Variants in ABLIM1 observed in about 807,000 individuals in gnomAD.
ABLIM1 encodes actin binding LIM protein 1.
Under a neutral mutation model 107.0 loss-of-function variants are expected in ABLIM1, and 40 were observed. The observed-to-expected ratio is 0.37, with a 90% CI of 0.29 to 0.49. ABLIM1 has a LOEUF of 0.49. Ranked by LOEUF, ABLIM1 falls within the 20% of genes least tolerant of loss-of-function variation. The probability of loss-of-function intolerance (pLI) is 0.97; values close to 1 mark genes in which losing one functional copy is unlikely to be tolerated. For missense variants in ABLIM1, 857 were observed against 1,008.5 expected (o/e 0.85, Z 2.04); for synonymous variants, 357 against 357.3 (o/e 1.00, Z 0.01).
the ABLIM1 span, among the ~76,000 whole-genome samples, chr10:114,786,728 C>T: frequency 6.6e-6 from 1 of 152,328 alleles, no homozygotes; most frequent in African/African-American, 2.4e-5. Flanking sequence ...AGCTCCTAAC[C>T]GCGAGTGATC....
At chr10:114,653,560 A>G (rs1194583088) in intron 1 of ABLIM1, among the ~76,000 whole-genome samples, 4 of 152,114 alleles carry the variant, frequency 2.6e-5, no homozygotes, top group Non-Finnish European at 5.9e-5. Flanking sequence ...AAAACCAAAC[A>G]AAAAAAGACA....
intron 1 of ABLIM1, among the ~76,000 whole-genome samples, chr10:114,724,293 T>C (rs1229617957): frequency 6.6e-6 from 1 of 152,138 alleles, no homozygotes; most frequent in Admixed American, 6.5e-5. Context: ...AGTTTCTCCA[T>C]CTGTGAAATG....
intron 12 of ABLIM1, among the ~76,000 whole-genome samples, chr10:114,465,193 C>G (rs562811517): frequency 4.6e-5 from 7 of 152,242 alleles, no homozygotes; most frequent in Admixed American, 3.3e-4. Context: ...GACTGAAAAT[C>G]TTAGGGTTGG....
intron 1 of ABLIM1, among the ~76,000 whole-genome samples, chr10:114,639,837 T>G (rs998476335): frequency 6.6e-6 from 1 of 152,244 alleles, no homozygotes; most frequent in Non-Finnish European, 1.5e-5. Flanking sequence ...TTGCTATTCC[T>G]GCTGCCCGTG....
the ABLIM1 span, among the ~76,000 whole-genome samples, chr10:114,777,664 T>G: frequency 6.6e-6 from 1 of 152,220 alleles, no homozygotes; most frequent in African/African-American, 2.4e-5. Context: ...AGCATCAGCA[T>G]ATGCTCCTGT....
chr10:114,564,440 T>TA (rs1491525146), intron 4 of ABLIM1, among the ~76,000 whole-genome samples: 9 of 75,630 alleles, frequency 1.2e-4, no homozygotes, highest in African/African-American at 8.7e-4. Flanking sequence ...AATGTTTGTA[T>TA]TTTTTTTTTT....
At chr10:114,784,482 T>C in the ABLIM1 span, among the ~76,000 whole-genome samples, 12 of 151,534 alleles carry the variant, frequency 7.9e-5, no homozygotes, top group East Asian at 1.6e-3. Flanking sequence ...CTGGTCAACA[T>C]GGTGAAATCC....
chr10:114,728,233 C>T (rs547120397), intron 1 of ABLIM1, among the ~76,000 whole-genome samples: 1 of 152,214 alleles, frequency 6.6e-6, no homozygotes, highest in South Asian at 2.1e-4. Flanking sequence ...CAAGTGTTGA[C>T]AAATTTGTGG....
chr10:114,687,901 T>A (rs2080980010), upstream of ABLIM1, among the ~76,000 whole-genome samples: 1 of 152,188 alleles, frequency 6.6e-6, no homozygotes, highest in Non-Finnish European at 1.5e-5. Context: ...AAAAAAGTAA[T>A]GATTTGGCAT....
At chr10:114,495,926 C>T (rs1255641083) in intron 6 of ABLIM1, among the ~76,000 whole-genome samples, 2 of 152,148 alleles carry the variant, frequency 1.3e-5, no homozygotes, top group Non-Finnish European at 2.9e-5. Flanking sequence ...CAGTATGTCA[C>T]TGCTGTAACT....
At chr10:114,787,595 C>T in the ABLIM1 span, among the ~76,000 whole-genome samples, 17,566 of 141,066 alleles carry the variant, frequency 0.12, 1,256 homozygotes, top group East Asian at 0.38. Context: ...GTCAGCCCCC[C>T]GCCCGGCCAG....
intron 6 of ABLIM1, among the ~76,000 whole-genome samples, chr10:114,531,446 T>C (rs2065441117): frequency 6.6e-6 from 1 of 152,232 alleles, no homozygotes; most frequent in African/African-American, 2.4e-5. Context: ...TCAAGACCTA[T>C]CCCAGCTTCA....
Position 114,582,229 on chromosome 10 carries a change from G to T in ABLIM1, c.380-6630C>A, listed in dbSNP as rs115146687. ...ATTTCTACACACCAAGAAAGTTCAAGCTGAGAGCCAAGTCAAGAATTCAAT... is the reference window on the plus strand; with the variant it reads ...ATTTCTACACACCAAGAAAGTTCAATCTGAGAGCCAAGTCAAGAATTCAAT... On this transcript the variant is annotated intron_variant, in intron 2 of 22. Coordinates refer to ENST00000533213, the MANE Select transcript of ABLIM1 (RefSeq NM_002313.7). Among the ~76,000 whole-genome samples the T allele has an allele frequency of 2.0e-3, 311 of 152,060 alleles. 2 individuals are homozygous for T. The highest frequency in any genetic ancestry group is 7.2e-3 in the African/African-American group (300 of 41,484).
chr10:114,486,453 C>G (rs945128002), intron 8 of ABLIM1, among the ~76,000 whole-genome samples: 1 of 152,134 alleles, frequency 6.6e-6, no homozygotes, highest in African/African-American at 2.4e-5. Flanking sequence ...TACATTCTTA[C>G]GATAAAAGTC....
chr10:114,514,486 C>T (rs143668642), intron 6 of ABLIM1, among the ~76,000 whole-genome samples: 293 of 152,118 alleles, frequency 1.9e-3, no homozygotes, highest in African/African-American at 6.8e-3. Context: ...GATCCTCCCA[C>T]CTCAGCCTCC....
At chr10:114,510,027 A>G (rs565205053) in intron 6 of ABLIM1, among the ~76,000 whole-genome samples, 2 of 152,298 alleles carry the variant, frequency 1.3e-5, no homozygotes, top group East Asian at 3.9e-4. Context: ...CGAGAACAGC[A>G]TGGAAAAGAC....
chr10:114,550,386 T>A (rs534897292), intron 4 of ABLIM1, among the ~76,000 whole-genome samples: 54 of 151,610 alleles, frequency 3.6e-4, no homozygotes, highest in East Asian at 3.3e-3. Context: ...TAGTTTTTTT[T>A]AAAAAAAAGA....
upstream of ABLIM1, among the ~76,000 whole-genome samples, chr10:114,770,543 T>C (rs1164035094): frequency 6.6e-6 from 1 of 152,220 alleles, no homozygotes; most frequent in African/African-American, 2.4e-5. Flanking sequence ...TTAACTCATA[T>C]AACATCTTAT....
chr10:114,561,659 G>A (rs548469641), intron 4 of ABLIM1, among the ~76,000 whole-genome samples: 8 of 152,218 alleles, frequency 5.3e-5, no homozygotes, highest in African/African-American at 1.9e-4. Context: ...AATTTTTACT[G>A]TTACTTAAAC....
Sources: allele counts gnomAD v4.1 joint callset (sites outside exome capture counted in the v4.1 genomes callset), GRCh38; gene constraint gnomAD v4.1.1; transcripts MANE v1.5; gene names NCBI Gene and HGNC (gene_info 2026-07-23, HGNC 2026-07-21).